FOXO3: variants seen among roughly 807,000 people sequenced by gnomAD.
The protein encoded by FOXO3 is forkhead box protein O3.
In FOXO3, 4 loss-of-function variants were observed where a neutral mutation model predicts 41.9. The observed-to-expected ratio is 0.10, with a 90% CI of 0.05 to 0.22. FOXO3 has a LOEUF of 0.22. Among genes scored for constraint, FOXO3 ranks in the 10% least tolerant of loss-of-function variants. The pLI, the probability that FOXO3 is intolerant of heterozygous loss-of-function variation, is 1.00. For missense variants in FOXO3, 534 were observed against 906.8 expected (o/e 0.59, Z 5.28); for synonymous variants, 318 against 389.3 (o/e 0.82, Z 2.16).
chr6:108,607,721 G>A (rs1373898271), intron 1 of FOXO3, among the ~76,000 whole-genome samples: 2 of 151,938 alleles, frequency 1.3e-5, no homozygotes, highest in Non-Finnish European at 2.9e-5. Flanking sequence ...CTGCCTTTAG[G>A]GACTTGCAGA....
intron 1 of FOXO3, among the ~76,000 whole-genome samples, chr6:108,644,681 A>G (rs1778347939): frequency 6.6e-6 from 1 of 152,032 alleles, no homozygotes; most frequent in Non-Finnish European, 1.5e-5. Context: ...CTCTCTAGGT[A>G]CACCCATCCG....
intron 1 of FOXO3, among the ~76,000 whole-genome samples, chr6:108,605,029 T>G (rs1296541151): frequency 1.3e-5 from 2 of 152,250 alleles, no homozygotes; most frequent in African/African-American, 4.8e-5. Context: ...GCTTAAGATG[T>G]TGCTTAGGCC....
At chr6:108,641,519 T>A (rs1335662410) in intron 1 of FOXO3, among the ~76,000 whole-genome samples, 1 of 152,190 alleles carries the variant, frequency 6.6e-6, no homozygotes, top group Non-Finnish European at 1.5e-5. Flanking sequence ...TCAACTTCTC[T>A]GTGCCATTTT....
chr6:108,651,367 CTT>C (rs776532643), intron 1 of FOXO3, among the ~76,000 whole-genome samples: 31 of 152,324 alleles, frequency 2.0e-4, no homozygotes, highest in Admixed American at 6.5e-4. Context: ...CTAACCCAAA[CTT>C]TTTCCTTTCC....
At chr6:108,578,610 T>G (rs1776325118) in intron 1 of FOXO3, among the ~76,000 whole-genome samples, 1 of 152,220 alleles carries the variant, frequency 6.6e-6, no homozygotes, top group South Asian at 2.1e-4. Flanking sequence ...AACTTGTGTT[T>G]AGGTTGGATT....
chr6:108,663,084 G>A (rs1778918784), intron 1 of FOXO3, among the ~76,000 whole-genome samples: 1 of 152,138 alleles, frequency 6.6e-6, no homozygotes, highest in Non-Finnish European at 1.5e-5. Context: ...TTTAAAAAAT[G>A]AGGAGTTGGC....
In FOXO3 at chr6:108,618,039, C is replaced by T. The variant is rs563389508; in HGVS notation, c.622-45416C>T. On this transcript the variant is annotated intron_variant, in intron 1 of 2. Coordinates refer to ENST00000406360, the MANE Select transcript of FOXO3 (RefSeq NM_001455.4). Reference sequence around the variant, plus strand: ...CCATCTGCTGTTGGAACACGTCAATCGTATCTTCATTCTCCATTTCCAACT... The same window carrying T: ...CCATCTGCTGTTGGAACACGTCAATTGTATCTTCATTCTCCATTTCCAACT... 109 of 682,630 alleles carry T rather than the reference C, an allele frequency of 1.6e-4. No individual in the cohort carries two copies. In the Admixed American group the frequency reaches 1.9e-3, roughly 12 times the overall value. 42.3% of individuals were successfully genotyped at this position (682,630 alleles called of 1,614,324 possible). A position where few individuals can be genotyped will look rare whatever the true frequency, so the allele number is the denominator to read the frequency against.
intron 1 of FOXO3, among the ~76,000 whole-genome samples, chr6:108,623,651 A>G (rs941799329): frequency 1.3e-5 from 2 of 152,200 alleles, no homozygotes; most frequent in East Asian, 1.9e-4. Flanking sequence ...TGTATAAATG[A>G]CAGTCATAAC....
At chr6:108,601,537 C>T (rs1030349346) in intron 1 of FOXO3, among the ~76,000 whole-genome samples, 1 of 152,194 alleles carries the variant, frequency 6.6e-6, no homozygotes, top group African/African-American at 2.4e-5. Context: ...CTCCCGATCT[C>T]AGGTGATCCA....
intron 1 of FOXO3, chr6:108,618,287 A>G: frequency 1.4e-6 from 1 of 722,906 alleles, no homozygotes; most frequent in Non-Finnish European, 2.6e-6. Context: ...GTCAGCCATG[A>G]TGAGCACCGG....
intron 1 of FOXO3, among the ~76,000 whole-genome samples, chr6:108,653,244 C>T (rs1436991412): frequency 2.0e-5 from 3 of 152,184 alleles, no homozygotes; most frequent in African/African-American, 7.2e-5. Context: ...TTTGTGGCTC[C>T]TGCCCCCTTC....
chr6:108,572,609 T>A (rs1054212833), intron 1 of FOXO3, among the ~76,000 whole-genome samples: 1 of 152,210 alleles, frequency 6.6e-6, no homozygotes, highest in Non-Finnish European at 1.5e-5. Context: ...TGCATCTGTT[T>A]ATTCTCATAT....
chr6:108,646,419 A>C (rs946745171), intron 1 of FOXO3, among the ~76,000 whole-genome samples: 10 of 152,342 alleles, frequency 6.6e-5, no homozygotes, highest in Admixed American at 3.9e-4. Context: ...AGTGATAAAC[A>C]GTCCTTCAAA....
At chr6:108,570,208 C>A (rs1340993708) in intron 1 of FOXO3, among the ~76,000 whole-genome samples, 1 of 151,950 alleles carries the variant, frequency 6.6e-6, no homozygotes. Flanking sequence ...ACTGTGTTAG[C>A]CAGGATGGTC....
At chr6:108,592,065 A>G (rs1408238167) in intron 1 of FOXO3, among the ~76,000 whole-genome samples, 1 of 152,188 alleles carries the variant, frequency 6.6e-6, no homozygotes, top group Non-Finnish European at 1.5e-5. Context: ...GAATTCTAGA[A>G]AAGGCAAAAC....
chr6:108,675,779 T>A (rs1303542838), intron 2 of FOXO3, among the ~76,000 whole-genome samples: 1 of 152,218 alleles, frequency 6.6e-6, no homozygotes, highest in African/African-American at 2.4e-5. Flanking sequence ...TATGATCTCT[T>A]TTTCCTTCCA....
At chr6:108,618,047 C>T in intron 1 of FOXO3, 1 of 694,096 alleles carries the variant, frequency 1.4e-6, no homozygotes. Flanking sequence ...ATCGTATCTT[C>T]ATTCTCCATT....
At chr6:108,616,794 A>G (rs149229316) in intron 1 of FOXO3, among the ~76,000 whole-genome samples, 189 of 152,224 alleles carry the variant, frequency 1.2e-3, no homozygotes, top group African/African-American at 4.5e-3. Context: ...GTCATTTCCC[A>G]TGTACCCCAC....
chr6:108,589,176 A>G (rs1347452558), intron 1 of FOXO3, among the ~76,000 whole-genome samples: 1 of 152,216 alleles, frequency 6.6e-6, no homozygotes, highest in African/African-American at 2.4e-5. Flanking sequence ...ACTTCAGAAA[A>G]TTATTGTTTT....
Sources: allele counts gnomAD v4.1 joint callset (sites outside exome capture counted in the v4.1 genomes callset), GRCh38; gene constraint gnomAD v4.1.1; transcripts MANE v1.5; gene names NCBI Gene and HGNC (gene_info 2026-07-23, HGNC 2026-07-21).